ERC2: variants seen among roughly 807,000 people sequenced by gnomAD.
ERC2 encodes ELKS/RAB6-interacting/CAST family member 2, also known as ERC protein 2.
A neutral mutation model predicts 114.8 loss-of-function variants in ERC2; 42 were observed. That is an observed-to-expected ratio of 0.37 (90% CI 0.29 to 0.47). The LOEUF (loss-of-function observed/expected upper bound fraction) is 0.47, where lower values mean the gene tolerates loss of function less well. Ranked by LOEUF, ERC2 falls within the 20% of genes least tolerant of loss-of-function variation. The probability of loss-of-function intolerance (pLI) is 0.99; values close to 1 mark genes in which losing one functional copy is unlikely to be tolerated. For synonymous variants in ERC2, 454 were observed against 425.5 expected (o/e 1.07, Z -0.82); for missense variants, 939 against 1,150.7 (o/e 0.82, Z 2.66).
intron 13 of ERC2, among the ~76,000 whole-genome samples, chr3:55,889,294 T>C (rs2063499828): frequency 1.3e-5 from 2 of 152,150 alleles, no homozygotes; most frequent in Non-Finnish European, 2.9e-5. Context: ...GGAGTCCCTC[T>C]CACCTCACCT....
intron 4 of ERC2, among the ~76,000 whole-genome samples, chr3:56,172,045 TA>T (rs1441437779): frequency 1.5e-4 from 21 of 143,260 alleles, no homozygotes; most frequent in African/African-American, 4.8e-4. Context: ...TTTTTTTTTT[TA>T]AAGCCTTAAC....
intron 6 of ERC2, among the ~76,000 whole-genome samples, chr3:56,133,224 G>C (rs975185405): frequency 1.3e-5 from 2 of 152,156 alleles, no homozygotes; most frequent in Admixed American, 6.5e-5. Context: ...AATTGCTTCA[G>C]CCCAGGAGTT....
intron 13 of ERC2, among the ~76,000 whole-genome samples, chr3:55,931,120 A>G (rs1199678898): frequency 1.3e-5 from 2 of 152,228 alleles, no homozygotes; most frequent in Non-Finnish European, 2.9e-5. Context: ...TGGAGAGGAC[A>G]TGGAGAAATA....
intron 12 of ERC2, among the ~76,000 whole-genome samples, chr3:55,958,697 T>C (rs1321790855): frequency 6.6e-6 from 1 of 152,032 alleles, no homozygotes; most frequent in Admixed American, 6.5e-5. Context: ...GAAGCTGGAG[T>C]GTCAGTGCTG....
At chr3:56,388,094 T>C (rs957741929) in intron 2 of ERC2, among the ~76,000 whole-genome samples, 2 of 152,156 alleles carry the variant, frequency 1.3e-5, no homozygotes, top group Admixed American at 6.5e-5. Flanking sequence ...ATAATAAATA[T>C]TTATGCAGCA....
At chr3:55,760,570 T>C (rs1256876510) in intron 14 of ERC2, among the ~76,000 whole-genome samples, 1 of 152,176 alleles carries the variant, frequency 6.6e-6, no homozygotes, top group Non-Finnish European at 1.5e-5. Flanking sequence ...TGAACTATAA[T>C]GTACAATTAA....
At chr3:55,860,055 A>G (rs1206900871) in intron 14 of ERC2, among the ~76,000 whole-genome samples, 1 of 152,094 alleles carries the variant, frequency 6.6e-6, no homozygotes, top group Non-Finnish European at 1.5e-5. Flanking sequence ...ATTTTACTTG[A>G]GAGTTTAACT....
At chr3:55,757,851 T>G (rs2067159764) in intron 14 of ERC2, among the ~76,000 whole-genome samples, 1 of 152,178 alleles carries the variant, frequency 6.6e-6, no homozygotes, top group Non-Finnish European at 1.5e-5. Context: ...GTTTTCACTC[T>G]TAGATCATTA....
At chr3:56,466,156 G>A (rs79040658) in intron 1 of ERC2, among the ~76,000 whole-genome samples, 1 of 152,348 alleles carries the variant, frequency 6.6e-6, no homozygotes, top group African/African-American at 2.4e-5. Flanking sequence ...GCTTGCCTAT[G>A]CAATAACAAT....
At chr3:56,048,937 G>A (rs1408259807) in intron 7 of ERC2, among the ~76,000 whole-genome samples, 1 of 152,178 alleles carries the variant, frequency 6.6e-6, no homozygotes, top group Non-Finnish European at 1.5e-5. Context: ...GGGTATTCAC[G>A]AAGACCTCTT....
intron 11 of ERC2, 142 bp downstream of exon 11, chr3:55,991,915 T>G: frequency 1.4e-6 from 1 of 696,762 alleles, no homozygotes; most frequent in Non-Finnish European, 2.4e-6. Context: ...AACGTCATCT[T>G]TCACAGGCCA....
intron 14 of ERC2, among the ~76,000 whole-genome samples, chr3:55,802,005 C>T (rs1221815389): frequency 4.0e-4 from 61 of 152,330 alleles, no homozygotes; most frequent in Non-Finnish European, 1.5e-5. Flanking sequence ...TCAGGGACCA[C>T]ACTCTGAGAA....
At chr3:56,221,960 A>G (rs1004331706) in intron 3 of ERC2, among the ~76,000 whole-genome samples, 4 of 152,222 alleles carry the variant, frequency 2.6e-5, no homozygotes, top group Non-Finnish European at 5.9e-5. Context: ...CAATAGTACA[A>G]TGAGAAGCTC....
chr3:56,063,682 C>T (rs185025128), intron 7 of ERC2, among the ~76,000 whole-genome samples: 42 of 152,248 alleles, frequency 2.8e-4, no homozygotes, highest in Admixed American at 5.2e-4. Flanking sequence ...CAAAGCCAGG[C>T]CTGTCACAGT....
At chr3:55,688,211 G>A (rs2062437625) in intron 16 of ERC2, among the ~76,000 whole-genome samples, 2 of 152,170 alleles carry the variant, frequency 1.3e-5, no homozygotes, top group South Asian at 4.1e-4. Flanking sequence ...GCTTATTTCT[G>A]AGCTGGGATA....
At chr3:55,710,341 C>G (rs993528683) in intron 15 of ERC2, among the ~76,000 whole-genome samples, 1 of 152,226 alleles carries the variant, frequency 6.6e-6, no homozygotes, top group East Asian at 1.9e-4. Context: ...TACCTCTTCT[C>G]CTGCGATAAC....
intron 14 of ERC2, among the ~76,000 whole-genome samples, chr3:55,774,278 G>A (rs539290864): frequency 6.6e-6 from 1 of 152,292 alleles, no homozygotes; most frequent in African/African-American, 2.4e-5. Flanking sequence ...AGGCAGTGAG[G>A]CATTATGTCA....
chr3:55,655,310 A>G (rs577325361), intron 17 of ERC2, among the ~76,000 whole-genome samples: 1 of 152,290 alleles, frequency 6.6e-6, no homozygotes, highest in East Asian at 1.9e-4. Flanking sequence ...CATGTAGTAC[A>G]AAGAAGAGTC....
At position 55,729,837 on chromosome 3, in the gene ERC2, C is replaced by CAAAAAAAAAAAAAAAA. The variant is rs71096498; in HGVS notation, c.2712+4918_2712+4933dup. Among the ~76,000 whole-genome samples the CAAAAAAAAAAAAAAAA allele has an allele frequency of 5.7e-3, 349 of 61,622 alleles. 102 individuals carry two copies. The highest frequency in any genetic ancestry group is 0.014 in the African/African-American group (166 of 11,684). The allele number at this position is 61,622 out of a possible 152,430, so 40.4% of individuals were successfully genotyped here. The stretch of plus-strand genomic sequence containing the variant: ...AGGGTAATGCAGTGAGACTCTATCG[C>CAAAAAAAAAAAAAAAA]AAAAAAAAAAAAAAAAAAAAAAAAA... On this transcript the variant is annotated intron_variant, in intron 15 of 17. Coordinates refer to ENST00000288221, the MANE Select transcript of ERC2 (RefSeq NM_015576.3).
Sources: allele counts gnomAD v4.1 joint callset (sites outside exome capture counted in the v4.1 genomes callset), GRCh38; gene constraint gnomAD v4.1.1; transcripts MANE v1.5; gene names NCBI Gene and HGNC (gene_info 2026-07-23, HGNC 2026-07-21).